LAMA2: variants seen among roughly 807,000 people sequenced by gnomAD.
LAMA2 encodes laminin subunit alpha-2.
In LAMA2, 269 loss-of-function variants were observed where a neutral mutation model predicts 364.8. The observed-to-expected ratio is 0.74, with a 90% confidence interval of 0.67 to 0.82. LAMA2 has a LOEUF of 0.82. Among genes scored for constraint, LAMA2 ranks in the 40% least tolerant of loss-of-function variants. The pLI is 0.00. For missense variants in LAMA2, 3,807 were observed against 3,873.2 expected (o/e 0.98, Z 0.45); for synonymous variants, 1,379 against 1,370.6 (o/e 1.01, Z -0.14).
chr6:129,301,489 G>A (rs534328322), intron 22 of LAMA2, among the ~76,000 whole-genome samples: 3 of 152,122 alleles, frequency 2.0e-5, no homozygotes, highest in Admixed American at 6.6e-5. Flanking sequence ...AGATATATAG[G>A]GCGCGAGTTA....
At chr6:128,893,234 G>A (rs1776569110) in intron 1 of LAMA2, among the ~76,000 whole-genome samples, 1 of 151,768 alleles carries the variant, frequency 6.6e-6, no homozygotes, top group African/African-American at 2.4e-5. Flanking sequence ...GTTGTTATAA[G>A]GGTTAAATAA....
intron 12 of LAMA2, among the ~76,000 whole-genome samples, chr6:129,245,528 T>C (rs1226426755): frequency 6.6e-6 from 1 of 152,288 alleles, no homozygotes; most frequent in East Asian, 1.9e-4. Flanking sequence ...GTAAAATTAA[T>C]AAATGAGTCT....
chr6:129,348,394 G>T (rs1448138144), intron 30 of LAMA2, among the ~76,000 whole-genome samples: 1 of 152,142 alleles, frequency 6.6e-6, no homozygotes, highest in Non-Finnish European at 1.5e-5. Flanking sequence ...AAGAAAAATG[G>T]TGTGTGCAGC....
At chr6:129,141,234 G>T (rs1399493045) in intron 4 of LAMA2, among the ~76,000 whole-genome samples, 4 of 151,884 alleles carry the variant, frequency 2.6e-5, no homozygotes, top group Non-Finnish European at 5.9e-5. Flanking sequence ...TAGTTTTAAT[G>T]GCTTCATCCA....
chr6:128,997,688 G>A (rs571351344), intron 1 of LAMA2, among the ~76,000 whole-genome samples: 13 of 152,188 alleles, frequency 8.5e-5, no homozygotes, highest in Admixed American at 3.9e-4. Flanking sequence ...CCAGCTACTC[G>A]GGAGGCTGAG....
intron 29 of LAMA2, among the ~76,000 whole-genome samples, chr6:129,331,035 CTTTTTT>C (rs1400569910): frequency 1.3e-5 from 2 of 151,878 alleles, no homozygotes; most frequent in Non-Finnish European, 2.9e-5. Flanking sequence ...TGCCCGGCTT[CTTTTTT>C]TGTATTTTTA....
intron 3 of LAMA2, among the ~76,000 whole-genome samples, chr6:129,090,841 G>A (rs1379408399): frequency 6.6e-6 from 1 of 152,104 alleles, no homozygotes; most frequent in African/African-American, 2.4e-5. Context: ...AGCATTAATG[G>A]CCACAGGTCC....
intron 15 of LAMA2, among the ~76,000 whole-genome samples, chr6:129,264,636 T>A (rs1230255101): frequency 6.6e-6 from 1 of 152,040 alleles, no homozygotes; most frequent in Non-Finnish European, 1.5e-5. Context: ...CTCCTGACGT[T>A]AAGAAGCAGG....
intron 14 of LAMA2, among the ~76,000 whole-genome samples, chr6:129,259,392 G>A (rs184849046): frequency 6.6e-4 from 100 of 152,086 alleles, no homozygotes; most frequent in Admixed American, 3.5e-3. Flanking sequence ...AAAAATGCAG[G>A]CCATAGCGAG....
At chr6:129,007,904 G>A (rs1329805073) in intron 1 of LAMA2, among the ~76,000 whole-genome samples, 1 of 152,134 alleles carries the variant, frequency 6.6e-6, no homozygotes, top group African/African-American at 2.4e-5. Context: ...TCCTGCTGGC[G>A]TTTCATGCAA....
intron 1 of LAMA2, among the ~76,000 whole-genome samples, chr6:128,944,038 G>A (rs13219139): frequency 0.13 from 19,446 of 152,140 alleles, 1,572 homozygotes; most frequent in African/African-American, 0.23. Flanking sequence ...TGACAATCTA[G>A]TACTTTGTAG....
chr6:129,403,584 A>C (rs193155721), intron 39 of LAMA2, among the ~76,000 whole-genome samples: 4 of 152,310 alleles, frequency 2.6e-5, no homozygotes, highest in African/African-American at 9.6e-5. Flanking sequence ...CTTTTGGAGG[A>C]TGCTATGGGT....
At chr6:128,905,756 G>C (rs942980929) in intron 1 of LAMA2, among the ~76,000 whole-genome samples, 1 of 151,632 alleles carries the variant, frequency 6.6e-6, no homozygotes, top group Non-Finnish European at 1.5e-5. Context: ...CTAGCATTAG[G>C]TATATCTCCC....
At chr6:128,988,194 A>G (rs972387550) in intron 1 of LAMA2, among the ~76,000 whole-genome samples, 4 of 152,172 alleles carry the variant, frequency 2.6e-5, no homozygotes, top group Admixed American at 2.6e-4. Context: ...AGGCAAAGCA[A>G]TTGAAATTTG....
At position 129,192,704 on chromosome 6, in the gene LAMA2, C is replaced by T. The variant is rs758299856; in HGVS notation, c.1633C>T (p.Leu545=). The change falls in exon 12 of 65, where the codon CTG becomes TTG. Residue 545 remains leucine (L), a synonymous_variant. Transcript: ENST00000421865. The part of the protein sequence containing the change: ...GKIQDMSGWY[L]TDLPGRIRVA... ...GATACAAGATATGAGTGGCTGGTAT[C>T]TGACTGACCTTCCTGGCCGCATTCG... 2 of 1,614,092 alleles carry T rather than the reference C, an allele frequency of 1.2e-6. No individual in the cohort carries two copies. Among genetic ancestry groups the T allele is most frequent in the Non-Finnish European group, 1.7e-6 (2 of 1,179,996 alleles).
At chr6:128,958,927 A>T (rs976573234) in intron 1 of LAMA2, among the ~76,000 whole-genome samples, 2 of 152,180 alleles carry the variant, frequency 1.3e-5, no homozygotes, top group Admixed American at 1.3e-4. Flanking sequence ...TTCCTTTCCT[A>T]GTATGGAAGA....
chr6:129,487,953 G>A (rs1784676181), intron 56 of LAMA2, among the ~76,000 whole-genome samples: 1 of 152,178 alleles, frequency 6.6e-6, no homozygotes, highest in African/African-American at 2.4e-5. Context: ...ATGTCTTCTA[G>A]ATTAGATGTT....
Position 129,177,688 on chromosome 6 carries a change from T to C in LAMA2, c.1307-18T>C. ...TACTTGTTTTAGAAATGTTGATATG[T>C]GGCTCATCTTTCTTTAGGTTTGGCA... On this transcript the variant is annotated intron_variant, in intron 9 of 64. Transcript: ENST00000421865. 6.2e-7 allele frequency: 1 copy of C among 1,613,148 alleles called. No individual in the cohort carries two copies. The highest frequency in any genetic ancestry group is 1.1e-5 in the South Asian group (1 of 91,062).
chr6:128,937,726 TA>T (rs896596203), intron 1 of LAMA2, among the ~76,000 whole-genome samples: 1 of 151,876 alleles, frequency 6.6e-6, no homozygotes, highest in Non-Finnish European at 1.5e-5. Flanking sequence ...TGTTTATCTT[TA>T]AAAAAACAAT....
Sources: allele counts gnomAD v4.1 joint callset (sites outside exome capture counted in the v4.1 genomes callset), GRCh38; gene constraint gnomAD v4.1.1; transcripts MANE v1.5; gene names NCBI Gene and HGNC (gene_info 2026-07-23, HGNC 2026-07-21).